Variants in HIP1R observed in about 807,000 individuals in gnomAD.
HIP1R encodes the protein huntingtin-interacting protein 1-related protein.
HIP1R carries 135 observed loss-of-function variants against 144.2 expected under a neutral mutation model. That is an observed-to-expected ratio of 0.94 (90% CI 0.81 to 1.08). The LOEUF (loss-of-function observed/expected upper bound fraction) is 1.08. HIP1R is among the 50% of genes least tolerant of loss of function. HIP1R has a pLI of 0.00. For missense variants in HIP1R, 1,462 were observed against 1,432.8 expected, an observed-to-expected ratio of 1.02 and a Z score of -0.33; for synonymous variants, 698 against 612.8, an observed-to-expected ratio of 1.14 and a Z score of -2.05.
rs1394037440 is a variant in HIP1R, at chr12:122,856,071, T to G, written c.1220T>G (p.Val407Gly). 6.3e-7 allele frequency: 1 copy of G among 1,589,590 alleles called. No individual in the cohort carries two copies. The highest frequency in any genetic ancestry group is 8.6e-7 in the Non-Finnish European group (1 of 1,168,454). Reference sequence around the variant, plus strand: ...CGGAAGCAGAAGCAGAAGGCCCTGGTGGATAATGAGCAGCTCCGCCACGAG... The same window carrying G: ...CGGAAGCAGAAGCAGAAGGCCCTGGGGGATAATGAGCAGCTCCGCCACGAG... Reference protein sequence around the residue: ...EQRKQKQKALVDNEQLRHELA... With the variant: ...EQRKQKQKALGDNEQLRHELA... Residue 407 changes from valine (V) to glycine (G), a missense_variant, in exon 14 of 32, where the codon GTG (valine) becomes GGG (glycine). Transcript: ENST00000253083.
Position 122,855,815 on chromosome 12 carries a change from G to C in HIP1R, c.1056-16G>C. ...TCTGGTTGACTTAACTTGAACCCCA[G>C]GACCTCTGTCCCCAGGGACCTCCAG... On this transcript the variant is annotated splice_polypyrimidine_tract_variant and intron_variant, in intron 12 of 31. Coordinates refer to ENST00000253083, the MANE Select transcript of HIP1R (RefSeq NM_003959.3). 6.4e-7 allele frequency: 1 copy of C among 1,556,954 alleles called. No individual in the cohort carries two copies. Among genetic ancestry groups the C allele is most frequent in the South Asian group, 1.2e-5 (1 of 84,436 alleles).
At position 122,852,549 on chromosome 12, in the gene HIP1R, G is replaced by T. The variant is rs899358443; in HGVS notation, c.577+1252G>T. ...GCACGCTTCCCACCTGGTGACGCTG[G>T]TGTGTTGATGAAGCACAAATGGGGT... On this transcript the variant is annotated intron_variant, in intron 7 of 31. Transcript: ENST00000253083. Among the ~76,000 whole-genome samples, 2 of 152,314 alleles carry T rather than the reference G, an allele frequency of 1.3e-5. 1 individual carries two copies. The highest frequency in any genetic ancestry group is 4.2e-4 in the South Asian group (2 of 4,796).
Position 122,856,483 on chromosome 12 carries a change from GTGGCGCGGGTGAAGGAGCAGC to G in HIP1R, c.1458_1478del (p.Arg487_Ala493del), listed in dbSNP as rs1159850047. The G allele has an allele frequency of 2.5e-6, 4 of 1,590,132 alleles. No homozygotes were observed. Among genetic ancestry groups the G allele is most frequent in the Non-Finnish European group, 3.4e-6 (4 of 1,167,724 alleles). On this transcript the variant is annotated inframe_deletion, in exon 16 of 32. Transcript: ENST00000253083. Reference sequence around the variant, plus strand: ...GGTGACGCAGCAAAGCCAGGAGGAGGTGGCGCGGGTGAAGGAGCAGCTGGCCTTCCAGGTGGAGCAGGTGAA... The same window carrying G: ...GGTGACGCAGCAAAGCCAGGAGGAGGTGGCCTTCCAGGTGGAGCAGGTGAA...
At chr12:122,837,414 G>A (rs751030648) in intron 1 of HIP1R, among the ~76,000 whole-genome samples, 1 of 152,006 alleles carries the variant, frequency 6.6e-6, no homozygotes, top group African/African-American at 2.4e-5. Context: ...CGCCTCCCGG[G>A]TTCAAGTGAT....
At chr12:122,860,547 G>T (rs372922271) in intron 27 of HIP1R, 24 bp downstream of exon 27, 1 of 1,553,226 alleles carries the variant, frequency 6.4e-7, no homozygotes, top group Non-Finnish European at 8.9e-7. Context: ...GGTGGGGGGG[G>T]GCAGGGGGCT....
Position 122,860,162 on chromosome 12 carries a change from G to C in HIP1R, c.2511G>C (p.Leu837=). The change falls in exon 26 of 32, where the codon CTG becomes CTC. Residue 837 remains leucine, a synonymous_variant. Coordinates refer to ENST00000253083, the MANE Select transcript of HIP1R (RefSeq NM_003959.3). ...CTDLMKAIRL[L]VTTSTSLQKE... ...GGTCTCGGCAGGCTATCCGGCTCCT[G>C]GTGACGACATCCACTAGCCTGCAGA... is the stretch of plus-strand genomic sequence containing the variant. The C allele has an allele frequency of 6.3e-7, 1 of 1,575,730 alleles. No homozygotes were observed.
At chr12:122,848,379 C>G (rs1452832346) in intron 2 of HIP1R, 87 bp from the exon 3 acceptor site, 1 of 1,502,552 alleles carries the variant, frequency 6.7e-7, no homozygotes. Context: ...GGCCGGCCCT[C>G]TTCCGGCGGC....
intron 6 of HIP1R, 22 bp downstream of exon 6, chr12:122,850,933 C>T (rs1184532541): frequency 1.9e-6 from 3 of 1,600,840 alleles, no homozygotes; most frequent in Admixed American, 1.7e-5. Flanking sequence ...TGCATGGCTA[C>T]ATAGCCAGTT....
At position 122,840,574 on chromosome 12, in the gene HIP1R, A is replaced by G. The variant is rs986230299; in HGVS notation, c.93+4931A>G. On this transcript the variant is annotated intron_variant, in intron 1 of 31. Coordinates refer to ENST00000253083, the MANE Select transcript of HIP1R (RefSeq NM_003959.3). The surrounding 1 kb of genome is among the most constrained non-coding windows in gnomAD (Gnocchi z 4.2). ...GCCTGGTGTGTAGTGAATGCCGTGTAAGTGTTGGCTGTTATGTTGTGTTCA... is the reference window on the plus strand; with the variant it reads ...GCCTGGTGTGTAGTGAATGCCGTGTGAGTGTTGGCTGTTATGTTGTGTTCA... 4.6e-5 allele frequency among the ~76,000 whole-genome samples: 7 copies of G among 152,208 alleles called. No homozygotes were observed. The highest frequency in any genetic ancestry group is 4.6e-4 in the Admixed American group (7 of 15,280).
intron 2 of HIP1R, 133 bp downstream of exon 2, chr12:122,848,227 C>A: frequency 9.9e-7 from 1 of 1,010,852 alleles, no homozygotes; most frequent in Non-Finnish European, 1.5e-6. Flanking sequence ...GGGTCCTGTG[C>A]AGCTTGGCTC....
chr12:122,841,588 G>A (rs922716446), intron 1 of HIP1R, among the ~76,000 whole-genome samples: 2 of 152,310 alleles, frequency 1.3e-5, no homozygotes, highest in East Asian at 1.9e-4. Flanking sequence ...TATTTGGGGC[G>A]AGATTGTTTT....
chr12:122,853,981 A>G lies in HIP1R; in HGVS notation c.578-62A>G, dbSNP rs914667501. On this transcript the variant is annotated intron_variant, in intron 7 of 31. Transcript: ENST00000253083. Reference sequence around the variant, plus strand: ...TAGGGCCCTGCTTCACAGTTGGACCACCTTGGACAGGTTGCCCAGCTCCCA... The same window carrying G: ...TAGGGCCCTGCTTCACAGTTGGACCGCCTTGGACAGGTTGCCCAGCTCCCA... The G allele has an allele frequency of 1.1e-5, 18 of 1,574,120 alleles. No individual in the cohort carries two copies. The African/African-American group carries it at 2.4e-4, about 21-fold the overall frequency.
chr12:122,861,686 C>T lies in HIP1R; in HGVS notation c.3160-20C>T. 1 of 1,613,842 alleles carries T rather than the reference C, an allele frequency of 6.2e-7. No homozygotes were observed. The highest frequency in any genetic ancestry group is 8.5e-7 in the Non-Finnish European group (1 of 1,179,876). On this transcript the variant is annotated intron_variant, in intron 31 of 31. Transcript: ENST00000253083. ...GGTGCCTGGCTGTGACCACTGACCC[C>T]CCACCTTTAACCCCTGCAGCTTGAC...
At position 122,859,555 on chromosome 12, in the gene HIP1R, G is replaced by C; in HGVS notation, c.2406+19G>C. 1.9e-6 allele frequency: 3 copies of C among 1,584,664 alleles called. No individual in the cohort carries two copies. The highest frequency in any genetic ancestry group is 2.6e-6 in the Non-Finnish European group (3 of 1,154,730). On this transcript the variant is annotated intron_variant, in intron 23 of 31. Transcript: ENST00000253083. ...GATTGAGGTGAGCACGGGATCTGGG[G>C]ACTCCCCTCATTCCTGTGGAGCTTT...
At chr12:122,861,076 G>A (rs370978894) in intron 29 of HIP1R, 37 bp downstream of exon 29, 58 of 1,613,578 alleles carry the variant, frequency 3.6e-5, no homozygotes, top group African/African-American at 1.3e-4. Context: ...GCTGGCTCCC[G>A]AGGCTGAATG....
chr12:122,860,229 C>A lies in HIP1R; in HGVS notation c.2559+19C>A. ...CGGCAGGGTGAGGGGCCGGCGGCAG[C>A]AGGGCACAGTCCACAAGGAGCCTGA... On this transcript the variant is annotated intron_variant, in intron 26 of 31. Coordinates refer to ENST00000253083, the MANE Select transcript of HIP1R (RefSeq NM_003959.3). 6.5e-7 allele frequency: 1 copy of A among 1,546,274 alleles called. No individual in the cohort carries two copies. Among genetic ancestry groups the A allele is most frequent in the Non-Finnish European group, 8.7e-7 (1 of 1,147,524 alleles).
rs2033569180 is a variant in HIP1R at position 122,856,183 on chromosome 12, C to T, written c.1312+20C>T. 3 of 1,610,454 alleles carry T rather than the reference C, an allele frequency of 1.9e-6. No homozygotes were observed. Among genetic ancestry groups the T allele is most frequent in the African/African-American group, 1.3e-5 (1 of 74,992 alleles). On this transcript the variant is annotated intron_variant, in intron 14 of 31. Coordinates refer to ENST00000253083, the MANE Select transcript of HIP1R (RefSeq NM_003959.3). ...CTGAGAGTACGTGGGGCCTTGGCCA[C>T]AGGGGTCCAAGGGTGTGTCCCCAGC...
Position 122,854,081 on chromosome 12 carries a change from A to G in HIP1R, c.616A>G (p.Met206Val). 1 of 1,613,790 alleles carries G rather than the reference A, an allele frequency of 6.2e-7. No individual in the cohort carries two copies. Among genetic ancestry groups the G allele is most frequent in the Non-Finnish European group, 8.5e-7 (1 of 1,179,910 alleles). ...CAACACGGCCATCGCCGTATCCCAGATGTCCTCAGGCCAGTGCCGCCTGGC... is the reference window on the plus strand; with the variant it reads ...CAACACGGCCATCGCCGTATCCCAGGTGTCCTCAGGCCAGTGCCGCCTGGC... ...QLNTAIAVSQMSSGQCRLAPL... is the reference protein window; with the variant it reads ...QLNTAIAVSQVSSGQCRLAPL... Residue 206 changes from methionine to valine, a missense_variant, in exon 8 of 32, where the codon ATG becomes GTG. By Grantham distance (21) the Met-to-Val change is conservative (BLOSUM62 1). Coordinates refer to ENST00000253083, the MANE Select transcript of HIP1R (RefSeq NM_003959.3).
intron 1 of HIP1R, among the ~76,000 whole-genome samples, chr12:122,839,059 A>C (rs2032985274): frequency 6.6e-6 from 1 of 152,240 alleles, no homozygotes; most frequent in African/African-American, 2.4e-5. Context: ...GTATGTAAAC[A>C]TGAAAGAGCA....
Sources: allele counts gnomAD v4.1 joint callset (sites outside exome capture counted in the v4.1 genomes callset), GRCh38; gene constraint gnomAD v4.1.1; non-coding constraint Gnocchi (gnomAD v3.1); transcripts MANE v1.5; gene names NCBI Gene and HGNC (gene_info 2026-07-23, HGNC 2026-07-21).